The following KCTD16 variants were observed in gnomAD, a reference collection of about 807,000 sequenced individuals.
KCTD16 encodes BTB/POZ domain-containing protein KCTD16.
In KCTD16, 13 loss-of-function variants were observed where a neutral mutation model predicts 33.2. The observed-to-expected ratio is 0.39, with a 90% CI of 0.25 to 0.62. The LOEUF is 0.62. Ranked by LOEUF, KCTD16 falls within the 20% of genes least tolerant of loss-of-function variation. KCTD16 has a pLI of 0.50. For synonymous variants in KCTD16, 197 were observed against 195.3 expected, an observed-to-expected ratio of 1.01 and a Z score of -0.07; for missense variants, 441 against 525.1, an observed-to-expected ratio of 0.84 and a Z score of 1.57.
chr5:144,313,356 A>G (rs540631043), intron 3 of KCTD16, among the ~76,000 whole-genome samples: 2 of 152,294 alleles, frequency 1.3e-5, no homozygotes, highest in Admixed American at 1.3e-4. Flanking sequence ...TTTCTGCCAA[A>G]CACACCCTGT....
At chr5:144,367,848 A>G (rs1209512916) in intron 3 of KCTD16, among the ~76,000 whole-genome samples, 1 of 147,132 alleles carries the variant, frequency 6.8e-6, no homozygotes, top group East Asian at 2.0e-4. Context: ...ATTGTTTCCA[A>G]CTTTTTGTCC....
chr5:144,232,676 A>G (rs1295037574), intron 3 of KCTD16, among the ~76,000 whole-genome samples: 1 of 152,232 alleles, frequency 6.6e-6, no homozygotes, highest in Non-Finnish European at 1.5e-5. Context: ...TTAGAGCAGT[A>G]CTGTTCAATA....
chr5:144,252,789 G>A (rs1254119670), intron 3 of KCTD16, among the ~76,000 whole-genome samples: 2 of 151,408 alleles, frequency 1.3e-5, no homozygotes, highest in Non-Finnish European at 2.9e-5. Flanking sequence ...CTGGTGTCAG[G>A]AAAGTTTCAT....
intron 3 of KCTD16, among the ~76,000 whole-genome samples, chr5:144,430,393 C>T (rs1753431345): frequency 6.6e-6 from 1 of 152,078 alleles, no homozygotes; most frequent in South Asian, 2.1e-4. Flanking sequence ...GATGAGTTCT[C>T]TGTGCTTGTG....
chr5:144,299,775 C>T (rs1196578540), intron 3 of KCTD16, among the ~76,000 whole-genome samples: 1 of 151,606 alleles, frequency 6.6e-6, no homozygotes, highest in East Asian at 1.9e-4. Context: ...TTTTTAACAT[C>T]TTTATGGAGG....
intron 3 of KCTD16, among the ~76,000 whole-genome samples, chr5:144,237,402 A>C (rs1754284284): frequency 6.6e-6 from 1 of 152,142 alleles, no homozygotes; most frequent in East Asian, 1.9e-4. Flanking sequence ...TATGTTTATC[A>C]GATGCAGATG....
intron 3 of KCTD16, among the ~76,000 whole-genome samples, chr5:144,264,482 G>A (rs1410602149): frequency 6.6e-6 from 1 of 152,196 alleles, no homozygotes; most frequent in East Asian, 1.9e-4. Flanking sequence ...GTCAGGAGCT[G>A]TGATAGGTCT....
chr5:144,484,606 C>A lies in KCTD16; in HGVS notation c.*10492C>A, dbSNP rs1294714114. On this transcript the variant is annotated 3_prime_UTR_variant, in exon 4 of 4. Transcript: ENST00000512467. ...TCAAGTGCATCTGACCAGGGATTAT[C>A]AAGCTCCTTGTGACATCTGTTTCTG... 1 of 152,006 alleles carries A rather than the reference C, an allele frequency of 6.6e-6. No homozygotes were observed. The highest frequency in any genetic ancestry group is 1.5e-5 in the Non-Finnish European group (1 of 67,938). The allele number at this position is 152,006 out of a possible 1,614,324, so 9.4% of individuals were successfully genotyped here.
At chr5:144,246,837 A>G (rs1754563278) in intron 3 of KCTD16, among the ~76,000 whole-genome samples, 1 of 152,038 alleles carries the variant, frequency 6.6e-6, no homozygotes, top group African/African-American at 2.4e-5. Context: ...CAACTCCCAC[A>G]TCATGTTCTT....
intron 1 of KCTD16, among the ~76,000 whole-genome samples, chr5:144,171,911 C>T (rs1451984293): frequency 2.6e-5 from 4 of 152,086 alleles, no homozygotes; most frequent in African/African-American, 4.8e-5. Context: ...GGTGGAATCC[C>T]GAATATTGTG....
At chr5:144,390,633 C>T (rs1364374984) in intron 3 of KCTD16, among the ~76,000 whole-genome samples, 3 of 152,014 alleles carry the variant, frequency 2.0e-5, no homozygotes, top group East Asian at 1.9e-4. Context: ...ACCCTTCAAC[C>T]TGTCATCTAC....
intron 3 of KCTD16, among the ~76,000 whole-genome samples, chr5:144,215,289 G>T (rs752866804): frequency 6.6e-6 from 1 of 152,046 alleles, no homozygotes; most frequent in Non-Finnish European, 1.5e-5. Flanking sequence ...ATGTGACCAG[G>T]GTTTAAGGAG....
At chr5:144,209,188 C>A (rs994609128) in intron 3 of KCTD16, among the ~76,000 whole-genome samples, 4 of 152,118 alleles carry the variant, frequency 2.6e-5, no homozygotes, top group African/African-American at 9.7e-5. Flanking sequence ...TGGAAACATA[C>A]CAGTTATACC....
chr5:144,219,513 C>CTTTGTT (rs1753669860), intron 3 of KCTD16, among the ~76,000 whole-genome samples: 1 of 77,130 alleles, frequency 1.3e-5, no homozygotes, highest in East Asian at 3.8e-4. Flanking sequence ...TGTGCTGGGC[C>CTTTGTT]TTTTTTTTTT....
chr5:144,229,592 G>C (rs1359757298), intron 3 of KCTD16, among the ~76,000 whole-genome samples: 3 of 152,156 alleles, frequency 2.0e-5, no homozygotes, highest in Non-Finnish European at 1.5e-5. Context: ...CCACATTTTA[G>C]AGAGAAAAGC....
chr5:144,438,127 T>A (rs1753620501), intron 3 of KCTD16, among the ~76,000 whole-genome samples: 1 of 152,364 alleles, frequency 6.6e-6, no homozygotes, highest in Middle Eastern at 3.4e-3. Context: ...TTTACTTTTT[T>A]AAATGCGGCT....
At chr5:144,278,566 T>G (rs192160239) in intron 3 of KCTD16, among the ~76,000 whole-genome samples, 4 of 148,288 alleles carry the variant, frequency 2.7e-5, no homozygotes, top group African/African-American at 7.5e-5. Flanking sequence ...GGCGCAATCT[T>G]GGCTCACTGC....
At chr5:144,331,838 T>C (rs531414343) in intron 3 of KCTD16, among the ~76,000 whole-genome samples, 6 of 152,296 alleles carry the variant, frequency 3.9e-5, no homozygotes, top group Non-Finnish European at 8.8e-5. Flanking sequence ...TGAATTCAAC[T>C]CTTATTTCTA....
chr5:144,195,058 C>T (rs763408935), intron 2 of KCTD16, among the ~76,000 whole-genome samples: 4 of 152,154 alleles, frequency 2.6e-5, no homozygotes, highest in East Asian at 1.9e-4. Flanking sequence ...TTGCTTACAC[C>T]GTCAGCTTCC....
Sources: allele counts gnomAD v4.1 joint callset (sites outside exome capture counted in the v4.1 genomes callset), GRCh38; gene constraint gnomAD v4.1.1; transcripts MANE v1.5; gene names NCBI Gene and HGNC (gene_info 2026-07-23, HGNC 2026-07-21).